YES1: variants seen among roughly 807,000 people sequenced by gnomAD.
YES1 encodes tyrosine-protein kinase Yes.
Under a neutral mutation model 70.4 loss-of-function variants are expected in YES1, and 39 were observed. The ratio of observed to expected loss-of-function variants is 0.55; its 90% CI spans 0.43 to 0.72. The LOEUF (loss-of-function observed/expected upper bound fraction) is 0.72, where lower values mean the gene tolerates loss of function less well. Among genes scored for constraint, YES1 ranks in the 30% least tolerant of loss-of-function variants. The pLI is 0.00. For synonymous variants in YES1, 198 were observed against 218.6 expected (o/e 0.91, Z 0.83); for missense variants, 495 against 644.8 (o/e 0.77, Z 2.52).
Position 724,513 on chromosome 18 carries a change from C to T in YES1, c.1543G>A (p.Glu515Lys). The T allele has an allele frequency of 1.2e-6, 2 of 1,614,190 alleles. No individual in the cohort carries two copies. Among genetic ancestry groups the T allele is most frequent in the Non-Finnish European group, 1.7e-6 (2 of 1,180,034 alleles). ...TGAATATATTCAAATGTTGGTCTTTCATCAGGGTCCTTCTTCCAACACAGA... is the reference window on the plus strand; with the variant it reads ...TGAATATATTCAAATGTTGGTCTTTTATCAGGGTCCTTCTTCCAACACAGA... ...MNLCWKKDPDERPTFEYIQSF... is the reference protein window; with the variant it reads ...MNLCWKKDPDKRPTFEYIQSF... Residue 515 changes from glutamate (E) to lysine (K), a missense_variant, in exon 12 of 12, where the codon GAA becomes AAA. Physicochemically the swap from Glu to Lys is moderately conservative, Grantham distance 56. This residue lies in a region of YES1 where 385 missense variants were observed against 540.9 expected (regional missense o/e 0.71). Coordinates refer to ENST00000314574, the MANE Select transcript of YES1 (RefSeq NM_005433.4).
chr18:802,458 C>T (rs1049013295), intron 1 of YES1, among the ~76,000 whole-genome samples: 8 of 150,868 alleles, frequency 5.3e-5, no homozygotes, highest in East Asian at 3.9e-4. Context: ...GCAGAAGAAT[C>T]GCTTGAACCT....
chr18:743,490 G>A (rs2145707785), intron 6 of YES1, 75 bp from the exon 7 acceptor site: 1 of 1,240,624 alleles, frequency 8.1e-7, no homozygotes, highest in East Asian at 2.5e-5. Flanking sequence ...AATGTTTTAA[G>A]TTTAAACTGT....
chr18:776,195 G>A lies in YES1; in HGVS notation c.-8-19360C>T, dbSNP rs548781268. Among the ~76,000 whole-genome samples, 12 of 140,296 alleles carry A rather than the reference G, an allele frequency of 8.6e-5. 1 individual carries two copies. The South Asian group carries it at 2.1e-3, about 25-fold the overall frequency. The allele number at this position is 140,296 out of a possible 152,430, so 92.0% of individuals were successfully genotyped here. A position where few individuals can be genotyped will look rare whatever the true frequency, so the allele number is the denominator to read the frequency against. On this transcript the variant is annotated intron_variant, in intron 1 of 11. Coordinates refer to ENST00000314574, the MANE Select transcript of YES1 (RefSeq NM_005433.4). ...TACATCATCAATACTTGGTATACTC[G>A]ATCTTTTTTTTTTTTTGAGATGGAG...
chr18:734,814 G>A (rs1294189545), intron 10 of YES1, among the ~76,000 whole-genome samples: 1 of 152,158 alleles, frequency 6.6e-6, no homozygotes, highest in East Asian at 1.9e-4. Flanking sequence ...AGAACGAAAA[G>A]CAGAACTACC....
At position 723,433 on chromosome 18, in the gene YES1, C is replaced by G. The variant is rs2079982832; in HGVS notation, c.*991G>C. 1 of 152,634 alleles carries G rather than the reference C, an allele frequency of 6.6e-6. No individual in the cohort carries two copies. The highest frequency in any genetic ancestry group is 2.4e-5 in the African/African-American group (1 of 41,442). The allele number at this position is 152,634 out of a possible 1,614,324, so 9.5% of individuals were successfully genotyped here. A position where few individuals can be genotyped will look rare whatever the true frequency, so the allele number is the denominator to read the frequency against. On this transcript the variant is annotated 3_prime_UTR_variant, in exon 12 of 12. Coordinates refer to ENST00000314574, the MANE Select transcript of YES1 (RefSeq NM_005433.4). ...ATTTCTTTTAAATACATTTTCCTCT[C>G]TGTTCATCTATATTCACCATGAGCA...
intron 1 of YES1, among the ~76,000 whole-genome samples, chr18:758,120 A>G (rs1904388116): frequency 6.6e-6 from 1 of 152,212 alleles, no homozygotes; most frequent in Admixed American, 6.5e-5. Context: ...ATACAAAGAA[A>G]CAGGTAAAAT....
chr18:746,554 G>C (rs1220131985), intron 4 of YES1, among the ~76,000 whole-genome samples: 1 of 152,148 alleles, frequency 6.6e-6, no homozygotes, highest in Non-Finnish European at 1.5e-5. Flanking sequence ...CAGAAAATGA[G>C]AAGAAAGACA....
chr18:789,037 A>G (rs904714819), intron 1 of YES1, among the ~76,000 whole-genome samples: 1 of 152,216 alleles, frequency 6.6e-6, no homozygotes, highest in African/African-American at 2.4e-5. Context: ...TTATAACATT[A>G]TTAGTTTGAG....
At chr18:753,240 T>C (rs903924445) in intron 2 of YES1, among the ~76,000 whole-genome samples, 2 of 152,296 alleles carry the variant, frequency 1.3e-5, no homozygotes, top group South Asian at 2.1e-4. Flanking sequence ...TATATATACA[T>C]TGTGGAATGG....
At chr18:755,744 T>C (rs2080398501) in intron 2 of YES1, among the ~76,000 whole-genome samples, 1 of 152,140 alleles carries the variant, frequency 6.6e-6, no homozygotes, top group South Asian at 2.1e-4. Context: ...AGAATAGAGA[T>C]AAAGAAATCT....
rs574570696 is a variant in YES1, at chr18:729,093, G to A, written c.1423+3741C>T. On this transcript the variant is annotated intron_variant, in intron 11 of 11. Coordinates refer to ENST00000314574, the MANE Select transcript of YES1 (RefSeq NM_005433.4). ...TCCACAAATTAGACCTTTTCACTAT[G>A]CCCCACTGGTTTCATACATTCTGTT... Among the ~76,000 whole-genome samples, 72 of 152,040 alleles carry A rather than the reference G, an allele frequency of 4.7e-4. 1 individual carries two copies. In the South Asian group the frequency reaches 0.015, roughly 31 times the overall value.
intron 1 of YES1, among the ~76,000 whole-genome samples, chr18:760,523 T>C (rs1289137303): frequency 6.6e-6 from 1 of 151,880 alleles, no homozygotes; most frequent in Non-Finnish European, 1.5e-5. Context: ...AAACCGCATA[T>C]GGGGGATTTG....
chr18:771,265 G>A (rs545858890), intron 1 of YES1, among the ~76,000 whole-genome samples: 5 of 152,182 alleles, frequency 3.3e-5, no homozygotes, highest in African/African-American at 1.2e-4. Context: ...TACCTGGGAA[G>A]CTGAGGCATG....
chr18:773,652 A>G (rs910074789), intron 1 of YES1, among the ~76,000 whole-genome samples: 2 of 152,174 alleles, frequency 1.3e-5, no homozygotes, highest in African/African-American at 4.8e-5. Flanking sequence ...AATCCTGTCC[A>G]TTGTATAATA....
intron 1 of YES1, among the ~76,000 whole-genome samples, chr18:788,824 G>A (rs1421048720): frequency 6.6e-6 from 1 of 152,152 alleles, no homozygotes; most frequent in East Asian, 1.9e-4. Context: ...TAGTTGGGAG[G>A]CTGAGGCAGG....
chr18:761,725 C>A (rs1292190896), intron 1 of YES1, among the ~76,000 whole-genome samples: 2 of 152,164 alleles, frequency 1.3e-5, no homozygotes, highest in Non-Finnish European at 2.9e-5. Flanking sequence ...CTAGGATAGC[C>A]CATTAATTTC....
chr18:795,565 T>C (rs913653345), intron 1 of YES1, among the ~76,000 whole-genome samples: 1 of 152,118 alleles, frequency 6.6e-6, no homozygotes, highest in African/African-American at 2.4e-5. Flanking sequence ...CATGGAATAC[T>C]ATGCAGCCAT....
At chr18:768,426 T>A (rs1287938596) in intron 1 of YES1, among the ~76,000 whole-genome samples, 2 of 152,222 alleles carry the variant, frequency 1.3e-5, no homozygotes, top group Non-Finnish European at 2.9e-5. Context: ...ATTTTATTTA[T>A]TTGGGCATTT....
intron 1 of YES1, among the ~76,000 whole-genome samples, chr18:791,590 T>C (rs901963542): frequency 7.9e-5 from 12 of 152,296 alleles, no homozygotes; most frequent in Admixed American, 3.9e-4. Flanking sequence ...GAACCACAAA[T>C]ACAAACCACA....
Sources: allele counts gnomAD v4.1 joint callset (sites outside exome capture counted in the v4.1 genomes callset), GRCh38; gene constraint gnomAD v4.1.1; regional missense constraint gnomAD v4.1.1; transcripts MANE v1.5; gene names NCBI Gene and HGNC (gene_info 2026-07-23, HGNC 2026-07-21).